The following SEMA3A variants were observed in gnomAD, a reference collection of about 807,000 sequenced individuals.
The protein encoded by SEMA3A is semaphorin 3A, also known as semaphorin-3A.
In SEMA3A, 29 loss-of-function variants were observed where a neutral mutation model predicts 97.9. That is an observed-to-expected ratio of 0.30 (90% confidence interval 0.22 to 0.40). SEMA3A has a LOEUF of 0.40. Among genes scored for constraint, SEMA3A ranks in the 10% least tolerant of loss-of-function variants. SEMA3A has a pLI of 1.00. For missense variants in SEMA3A, 763 were observed against 951.3 expected, an observed-to-expected ratio of 0.80 and a Z score of 2.60; for synonymous variants, 321 against 323.7, an observed-to-expected ratio of 0.99 and a Z score of 0.09.
intron 2 of SEMA3A, among the ~76,000 whole-genome samples, chr7:84,318,621 C>A (rs1255884857): frequency 2.0e-5 from 3 of 152,012 alleles, no homozygotes; most frequent in African/African-American, 7.2e-5. Context: ...CGCGCCCGGC[C>A]GATTTCTTGG....
At chr7:84,408,753 A>C (rs1472451187) in intron 1 of SEMA3A, among the ~76,000 whole-genome samples, 5 of 151,818 alleles carry the variant, frequency 3.3e-5, no homozygotes. Flanking sequence ...AGGGACATGG[A>C]TGAAGCTGGA....
intron 1 of SEMA3A, among the ~76,000 whole-genome samples, chr7:84,454,760 C>T (rs1037753171): frequency 6.8e-6 from 1 of 146,400 alleles, no homozygotes; most frequent in African/African-American, 2.6e-5. Flanking sequence ...TTCCTGCCAT[C>T]TGGTGGCAAG....
At chr7:83,998,130 A>C (rs1285599172) in intron 12 of SEMA3A, among the ~76,000 whole-genome samples, 2 of 151,896 alleles carry the variant, frequency 1.3e-5, no homozygotes, top group East Asian at 3.9e-4. Context: ...AAAAAAATCT[A>C]ATAGATATTA....
chr7:84,328,584 C>T (rs771263483), intron 2 of SEMA3A, among the ~76,000 whole-genome samples: 2 of 152,006 alleles, frequency 1.3e-5, no homozygotes, highest in African/African-American at 4.8e-5. Context: ...CTCTTATGTA[C>T]ATTGAATCAG....
chr7:84,347,848 A>T (rs1802339478), intron 2 of SEMA3A, among the ~76,000 whole-genome samples: 1 of 152,162 alleles, frequency 6.6e-6, no homozygotes, highest in South Asian at 2.1e-4. Context: ...CAGAGATGAG[A>T]TGAGGAAAGC....
At chr7:84,048,208 C>T (rs1010628845) in intron 5 of SEMA3A, among the ~76,000 whole-genome samples, 1 of 152,000 alleles carries the variant, frequency 6.6e-6, no homozygotes, top group Non-Finnish European at 1.5e-5. Flanking sequence ...GATTCAAAAG[C>T]ACTTTATACA....
intron 1 of SEMA3A, among the ~76,000 whole-genome samples, chr7:84,416,159 C>G (rs1031063735): frequency 6.6e-6 from 1 of 152,056 alleles, no homozygotes; most frequent in Non-Finnish European, 1.5e-5. Flanking sequence ...TCCTAGAATT[C>G]CCATGTGTTG....
intron 5 of SEMA3A, among the ~76,000 whole-genome samples, chr7:84,051,006 G>T (rs1583875108): frequency 1.3e-5 from 2 of 151,958 alleles, no homozygotes; most frequent in East Asian, 1.9e-4. Flanking sequence ...GTTTGTCAAA[G>T]ATCAGATAGT....
rs2116230263 is a variant in SEMA3A, at chr7:83,957,724, A to G, written c.*3647T>C. On this transcript the variant is annotated 3_prime_UTR_variant, in exon 17 of 17. Transcript: ENST00000265362. ...CTAATGAGATTTTACAGATTTTTGA[A>G]AAATAATGTTTTCTTCTTTATGGAA... 1 of 152,244 alleles carries G rather than the reference A, an allele frequency of 6.6e-6. No homozygotes were observed. The highest frequency in any genetic ancestry group is 1.9e-4 in the East Asian group (1 of 5,184). The allele number at this position is 152,244 out of a possible 1,614,324, so 9.4% of individuals were successfully genotyped here.
chr7:84,116,399 A>T (rs187125269), intron 3 of SEMA3A, among the ~76,000 whole-genome samples: 177 of 152,288 alleles, frequency 1.2e-3, no homozygotes, highest in African/African-American at 3.9e-3. Context: ...AAAGTAGAAC[A>T]TTCGGAAAGA....
intron 14 of SEMA3A, 62 bp downstream of exon 14, chr7:83,981,259 C>G: frequency 6.4e-7 from 1 of 1,568,892 alleles, no homozygotes; most frequent in Non-Finnish European, 8.7e-7. Context: ...AAAGCTATTT[C>G]AAACTTGGAA....
At chr7:84,340,120 C>A (rs1401303768) in intron 2 of SEMA3A, among the ~76,000 whole-genome samples, 1 of 151,914 alleles carries the variant, frequency 6.6e-6, no homozygotes, top group Non-Finnish European at 1.5e-5. Flanking sequence ...TATTTAACTC[C>A]TATAAAGAAA....
chr7:83,974,202 A>G (rs138231953), intron 15 of SEMA3A, among the ~76,000 whole-genome samples: 123 of 152,240 alleles, frequency 8.1e-4, no homozygotes, highest in African/African-American at 2.9e-3. Flanking sequence ...GCCACCGGCG[A>G]CAGAGGAGAG....
At chr7:83,986,138 A>G (rs1348347273) in intron 12 of SEMA3A, among the ~76,000 whole-genome samples, 1 of 152,090 alleles carries the variant, frequency 6.6e-6, no homozygotes, top group Non-Finnish European at 1.5e-5. Flanking sequence ...GTTCTGTTCA[A>G]CTGGAGAACG....
At chr7:84,044,255 T>G (rs1281770376) in intron 6 of SEMA3A, among the ~76,000 whole-genome samples, 2 of 151,986 alleles carry the variant, frequency 1.3e-5, no homozygotes, top group Non-Finnish European at 2.9e-5. Context: ...AATATTCCCC[T>G]GGGTTTTTGG....
At chr7:84,427,471 A>G (rs1174343585) in intron 1 of SEMA3A, among the ~76,000 whole-genome samples, 3 of 151,706 alleles carry the variant, frequency 2.0e-5, no homozygotes, top group Non-Finnish European at 2.9e-5. Flanking sequence ...ATATGGTGAA[A>G]CCCTGTCTCT....
intron 1 of SEMA3A, among the ~76,000 whole-genome samples, chr7:84,373,793 C>A (rs1803032717): frequency 6.6e-6 from 1 of 152,146 alleles, no homozygotes; most frequent in Non-Finnish European, 1.5e-5. Context: ...TCATATAATG[C>A]ATACATAGTA....
At chr7:84,436,851 A>T (rs1056984262) in intron 1 of SEMA3A, among the ~76,000 whole-genome samples, 1 of 152,122 alleles carries the variant, frequency 6.6e-6, no homozygotes, top group African/African-American at 2.4e-5. Flanking sequence ...TTCCTTCATA[A>T]ATTACTTATC....
rs758418781 is a variant in SEMA3A, at chr7:84,014,228, C to G, written c.791G>C (p.Arg264Thr). The change falls in exon 7 of 17, where the codon AGA becomes ACA. Residue 264 changes from arginine (R) to threonine (T), a missense_variant. Arg to Thr is a moderately conservative substitution (Grantham distance 71). Coordinates refer to ENST00000265362, the MANE Select transcript of SEMA3A (RefSeq NM_006080.3). ...CCTCACCTTGCATATCTGACCTATT[C>G]TAGCGTGAGTAGCTTTTCCAGAGTG... ...GEHSGKATHA[R>T]IGQICKNDFG... 3.1e-5 allele frequency: 50 copies of G among 1,613,098 alleles called. No homozygotes were observed.
Sources: gnomAD v4.1 joint callset for allele counts (sites outside exome capture counted in the v4.1 genomes callset) on GRCh38, gnomAD v4.1.1 for gene constraint, MANE v1.5 for transcripts, NCBI Gene and HGNC (gene_info 2026-07-23, HGNC 2026-07-21) for gene names.